CNOT3: variants seen among roughly 807,000 people sequenced by gnomAD.
The protein encoded by CNOT3 is CCR4-associated factor 3.
CNOT3 carries 2 observed loss-of-function variants against 89.4 expected under a neutral mutation model. That is an observed-to-expected ratio of 0.02 (90% confidence interval 0.01 to 0.07). The LOEUF (loss-of-function observed/expected upper bound fraction) is 0.07, where lower values mean the gene tolerates loss of function less well. Ranked by LOEUF, CNOT3 falls within the 10% of genes least tolerant of loss-of-function variation. The pLI is 1.00. For synonymous variants in CNOT3, 486 were observed against 402.0 expected, an observed-to-expected ratio of 1.21 and a Z score of -2.50; for missense variants, 664 against 1,010.2, an observed-to-expected ratio of 0.66 and a Z score of 4.65.
rs1157961707 is a variant in CNOT3 at position 54,155,580 on chromosome 19, G to A, written c.*173G>A. Reference sequence around the variant, plus strand: ...CCTCTCAGCCCCACCCTGGGGGCCCGGGGGCGAGGGCTGCCCCCTCCTCCC... The same window carrying A: ...CCTCTCAGCCCCACCCTGGGGGCCCAGGGGCGAGGGCTGCCCCCTCCTCCC... On this transcript the variant is annotated 3_prime_UTR_variant, in exon 18 of 18. Coordinates refer to ENST00000221232, the MANE Select transcript of CNOT3 (RefSeq NM_014516.4). 89 of 1,006,682 alleles carry A rather than the reference G, an allele frequency of 8.8e-5. No homozygotes were observed. The highest frequency in any genetic ancestry group is 8.1e-5 in the African/African-American group (5 of 61,424). The allele number at this position is 1,006,682 out of a possible 1,614,324, so 62.4% of individuals were successfully genotyped here. A position where few individuals can be genotyped will look rare whatever the true frequency, so the allele number is the denominator to read the frequency against.
At position 54,155,679 on chromosome 19, in the gene CNOT3, T is replaced by G; in HGVS notation, c.*272T>G. 1 of 1,498,020 alleles carries G rather than the reference T, an allele frequency of 6.7e-7. No individual in the cohort carries two copies. The highest frequency in any genetic ancestry group is 9.1e-7 in the Non-Finnish European group (1 of 1,100,956). 92.8% of individuals were successfully genotyped at this position (1,498,020 alleles called of 1,614,324 possible). A position where few individuals can be genotyped will look rare whatever the true frequency, so the allele number is the denominator to read the frequency against. On this transcript the variant is annotated 3_prime_UTR_variant, in exon 18 of 18. Coordinates refer to ENST00000221232, the MANE Select transcript of CNOT3 (RefSeq NM_014516.4). ...ATATTTATGAATAAATAGTTTTATA[T>G]GACGGCTGGCAGCAGCGGCCTCTCC...
Position 54,143,428 on chromosome 19 carries a change from T to C in CNOT3, c.94-14T>C. ...CCCTCCCACACTGACTTCTCAATTC[T>C]CTCCATCCCTCAGCTCCACAATGCA... On this transcript the variant is annotated splice_polypyrimidine_tract_variant and intron_variant, in intron 3 of 17. Coordinates refer to ENST00000221232, the MANE Select transcript of CNOT3 (RefSeq NM_014516.4). The C allele has an allele frequency of 6.2e-7, 1 of 1,613,580 alleles. No individual in the cohort carries two copies. Among genetic ancestry groups the C allele is most frequent in the South Asian group, 1.1e-5 (1 of 91,048 alleles).
rs201138446 is a variant in CNOT3, at chr19:54,148,348, G to C, written c.1095G>C (p.Ser365=). The C allele has an allele frequency of 5.7e-6, 9 of 1,588,730 alleles. No individual in the cohort carries two copies. Among genetic ancestry groups the C allele is most frequent in the Non-Finnish European group, 6.9e-6 (8 of 1,166,986 alleles). ...CCAGTCCAGCTCCCAGCCACAACTC[G>C]GGCACCCCTGCTCCCTATGCCCAGG... The part of the protein sequence containing the change: ...PKASPAPSHN[S]GTPAPYAQAV... The change falls in exon 11 of 18, where the codon TCG becomes TCC. Residue 365 remains serine (S), a synonymous_variant. Coordinates refer to ENST00000221232, the MANE Select transcript of CNOT3 (RefSeq NM_014516.4). The surrounding 1 kb of genome is among the most constrained non-coding windows in gnomAD (Gnocchi z 6.3).
chr19:54,143,979 C>G, intron 5 of CNOT3, 27 bp from the exon 6 acceptor site: 1 of 1,584,176 alleles, frequency 6.3e-7, no homozygotes, highest in Non-Finnish European at 8.5e-7. Flanking sequence ...CCTTTGAGAG[C>G]CCCCCTGCCA....
intron 14 of CNOT3, 50 bp from the exon 15 acceptor site, chr19:54,152,378 C>A: frequency 6.2e-7 from 1 of 1,613,770 alleles, no homozygotes; most frequent in South Asian, 1.1e-5. Context: ...AGGGGCTGCC[C>A]CTGACCCATC....
intron 16 of CNOT3, 157 bp from the exon 17 acceptor site, chr19:54,153,558 G>A: frequency 1.3e-6 from 1 of 780,576 alleles, no homozygotes; most frequent in South Asian, 1.4e-5. Context: ...GCATTGGTAT[G>A]TTCTGTGCCC....
At chr19:54,143,608 G>A in intron 4 of CNOT3, 52 bp from the exon 5 acceptor site, 1 of 1,604,308 alleles carries the variant, frequency 6.2e-7, no homozygotes, top group Non-Finnish European at 8.5e-7. Context: ...GGAGCTGTGG[G>A]CCCCAGTTCC....
intron 17 of CNOT3, 139 bp downstream of exon 17, chr19:54,153,979 C>T (rs749706321): frequency 2.7e-6 from 3 of 1,093,842 alleles, no homozygotes; most frequent in South Asian, 2.5e-5. Context: ...AGTACTCCTC[C>T]CTCTGGCTGT....
intron 1 of CNOT3, 106 bp from the exon 2 acceptor site, chr19:54,142,823 T>G (rs1156592555): frequency 1.8e-5 from 13 of 720,986 alleles, no homozygotes; most frequent in Non-Finnish European, 3.2e-5. Flanking sequence ...AAATGCTTCT[T>G]CTCTTTACCA....
In CNOT3 at chr19:54,155,198, C is replaced by T. The variant is rs1056851577; in HGVS notation, c.2164-111C>T. 68 of 1,324,234 alleles carry T rather than the reference C, an allele frequency of 5.1e-5. 1 individual carries two copies. The highest frequency in any genetic ancestry group is 3.3e-4 in the South Asian group (25 of 75,146). The allele number at this position is 1,324,234 out of a possible 1,614,324, so 82.0% of individuals were successfully genotyped here. A position where few individuals can be genotyped will look rare whatever the true frequency, so the allele number is the denominator to read the frequency against. Reference sequence around the variant, plus strand: ...GTGTGTGCGTGCAGGGCAGCTGGCCCGGTGCCTGACACATCCACAGCCCTA... The same window carrying T: ...GTGTGTGCGTGCAGGGCAGCTGGCCTGGTGCCTGACACATCCACAGCCCTA... On this transcript the variant is annotated intron_variant, in intron 17 of 17. Coordinates refer to ENST00000221232, the MANE Select transcript of CNOT3 (RefSeq NM_014516.4).
Position 54,148,498 on chromosome 19 carries a change from T to G in CNOT3, c.1245T>G (p.Ser415Arg), listed in dbSNP as rs755624856. 1 of 1,560,260 alleles carries G rather than the reference T, an allele frequency of 6.4e-7. No individual in the cohort carries two copies. The highest frequency in any genetic ancestry group is 8.7e-7 in the Non-Finnish European group (1 of 1,150,074). Residue 415 changes from serine (S) to arginine (R), a missense_variant, in exon 11 of 18, where the codon AGT becomes AGG. Ser to Arg is a moderately radical substitution (Grantham distance 110). Around this residue, in one of 8 missense-constraint regions of CNOT3, gnomAD observed 545 missense variants for 566.2 expected, o/e 0.96. Coordinates refer to ENST00000221232, the MANE Select transcript of CNOT3 (RefSeq NM_014516.4). The surrounding 1 kb of genome is among the most constrained non-coding windows in gnomAD (Gnocchi z 6.3). The part of the protein sequence containing the change: ...GGGSSSSSNS[S>R]AGGGAGKQNG... ...GGAGCAGCAGCAGTAGTAACAGCAG[T>G]GCCGGTGGAGGGGCTGGCAAGCAGA...
intron 1 of CNOT3, chr19:54,141,410 G>C (rs1023443620): frequency 6.6e-6 from 1 of 152,144 alleles, no homozygotes; most frequent in African/African-American, 2.4e-5. Context: ...TCTCCCTGGG[G>C]GTAAGGTACC....
rs1468766353 is a variant in CNOT3 at position 54,144,592 on chromosome 19, C to T, written c.483+260C>T. On this transcript the variant is annotated intron_variant, in intron 7 of 17. Transcript: ENST00000221232. The surrounding 1 kb of genome is among the most constrained non-coding windows in gnomAD (Gnocchi z 4.8). The stretch of plus-strand genomic sequence containing the variant: ...ACCGTGGGGCCTTTGTGAAGAGGAG[C>T]GACTTGGGGGAAGGTGAGTGCAGGT... 2.0e-5 allele frequency among the ~76,000 whole-genome samples: 3 copies of T among 152,086 alleles called. No homozygotes were observed. Among genetic ancestry groups the T allele is most frequent in the Non-Finnish European group, 2.9e-5 (2 of 68,024 alleles).
intron 17 of CNOT3, 153 bp downstream of exon 17, chr19:54,153,993 C>T (rs1174289950): frequency 1.0e-6 from 1 of 977,196 alleles, no homozygotes; most frequent in East Asian, 2.5e-5. Flanking sequence ...TGGCTGTCTG[C>T]TCAGCCTGGA....
intron 13 of CNOT3, among the ~76,000 whole-genome samples, chr19:54,151,436 G>C (rs765615464): frequency 2.6e-5 from 4 of 152,030 alleles, no homozygotes; most frequent in African/African-American, 9.7e-5. Context: ...GGGCGTGGTG[G>C]CTCACACCTG....
intron 1 of CNOT3, among the ~76,000 whole-genome samples, chr19:54,138,194 T>TGCGCCTCTTTCACGTTCCTCA (rs2074294030): frequency 6.6e-6 from 1 of 151,512 alleles, no homozygotes; most frequent in Non-Finnish European, 1.5e-5. Context: ...CTCCCGTTCC[T>TGCGCCTCTTTCACGTTCCTCA]GCGCCTCTTT....
In CNOT3 at chr19:54,148,189, G is replaced by A. The variant is rs1292651908; in HGVS notation, c.936G>A (p.Gln312=). ...GCTCCAAGCCTGTCCACAGCAACCA[G>A]CACCCTCAGTCCCCAGCTGTGCCGC... The part of the protein sequence containing the change: ...KNGSKPVHSN[Q]HPQSPAVPPT... Residue 312 remains glutamine (Q), a synonymous_variant, in exon 11 of 18, where the codon CAG becomes CAA. Transcript: ENST00000221232. The surrounding 1 kb of genome is among the most constrained non-coding windows in gnomAD (Gnocchi z 6.3). 1 of 1,568,532 alleles carries A rather than the reference G, an allele frequency of 6.4e-7. No individual in the cohort carries two copies.
chr19:54,142,955 G>A lies in CNOT3; in HGVS notation c.-24G>A. ...GTCCGTCTCCAAGAGAGTATGAAGAGAGTGCGTCTGTAGGGCAGGGAAGAT... is the reference window on the plus strand; with the variant it reads ...GTCCGTCTCCAAGAGAGTATGAAGAAAGTGCGTCTGTAGGGCAGGGAAGAT... On this transcript the variant is annotated 5_prime_UTR_variant, in exon 2 of 18. Transcript: ENST00000221232. The A allele has an allele frequency of 5.6e-6, 9 of 1,613,130 alleles. No homozygotes were observed. The highest frequency in any genetic ancestry group is 7.6e-6 in the Non-Finnish European group (9 of 1,179,310).
intron 9 of CNOT3, 97 bp from the exon 10 acceptor site, chr19:54,146,504 C>A: frequency 2.6e-6 from 2 of 762,370 alleles, no homozygotes; most frequent in Admixed American, 1.8e-5. Context: ...CAATGGCAGT[C>A]AATTGGGCCC....
Sources: allele counts gnomAD v4.1 joint callset (sites outside exome capture counted in the v4.1 genomes callset), GRCh38; gene constraint gnomAD v4.1.1; regional missense constraint gnomAD v4.1.1; non-coding constraint Gnocchi (gnomAD v3.1); transcripts MANE v1.5; gene names NCBI Gene and HGNC (gene_info 2026-07-23, HGNC 2026-07-21).